CDC42BPA: variants seen among roughly 807,000 people sequenced by gnomAD.
CDC42BPA encodes the protein CDC42 binding protein kinase alpha.
Under a neutral mutation model 223.5 loss-of-function variants are expected in CDC42BPA, and 80 were observed. That is an observed-to-expected ratio of 0.36 (90% confidence interval 0.30 to 0.43). CDC42BPA has a LOEUF of 0.43. Ranked by LOEUF, CDC42BPA falls within the 20% of genes least tolerant of loss-of-function variation. The pLI is 1.00. For synonymous variants in CDC42BPA, 694 were observed against 718.6 expected (o/e 0.97, Z 0.55); for missense variants, 1,743 against 2,099.9 (o/e 0.83, Z 3.32).
At chr1:227,109,522 C>T (rs537706257) in intron 14 of CDC42BPA, among the ~76,000 whole-genome samples, 8 of 151,878 alleles carry the variant, frequency 5.3e-5, no homozygotes, top group Non-Finnish European at 7.4e-5. Context: ...TGCGCCACCA[C>T]GTTCAGCTAA....
At chr1:227,034,534 A>G in intron 26 of CDC42BPA, 121 bp downstream of exon 26, 1 of 917,336 alleles carries the variant, frequency 1.1e-6, no homozygotes, top group Non-Finnish European at 1.6e-6. Context: ...CAATATTAGC[A>G]AATTAGAAAA....
chr1:227,044,399 G>C (rs1284128921), intron 23 of CDC42BPA, among the ~76,000 whole-genome samples: 3 of 149,718 alleles, frequency 2.0e-5, no homozygotes. Context: ...TTTATTCCCA[G>C]TCACAAAAAA....
At chr1:227,047,860 C>T in intron 23 of CDC42BPA, 67 bp downstream of exon 23, 1 of 806,070 alleles carries the variant, frequency 1.2e-6, no homozygotes, top group Non-Finnish European at 2.0e-6. Flanking sequence ...AAAATCACAG[C>T]AAATGCATAG....
At chr1:227,200,393 T>C (rs1254928255) in intron 3 of CDC42BPA, among the ~76,000 whole-genome samples, 1 of 146,304 alleles carries the variant, frequency 6.8e-6, no homozygotes, top group Non-Finnish European at 1.5e-5. Context: ...ATCGCACCAC[T>C]GCACTCCAAC....
At chr1:227,014,596 C>A (rs893256959) in intron 34 of CDC42BPA, among the ~76,000 whole-genome samples, 1 of 151,962 alleles carries the variant, frequency 6.6e-6, no homozygotes, top group African/African-American at 2.4e-5. Flanking sequence ...AGAAACTTGA[C>A]TGCACACCGA....
At chr1:227,142,231 C>T (rs896158809) in intron 9 of CDC42BPA, among the ~76,000 whole-genome samples, 1 of 152,070 alleles carries the variant, frequency 6.6e-6, no homozygotes, top group Non-Finnish European at 1.5e-5. Context: ...AAATGGCATA[C>T]AAGGAGTGAT....
intron 30 of CDC42BPA, among the ~76,000 whole-genome samples, chr1:227,027,859 A>G (rs915061219): frequency 6.6e-6 from 1 of 152,188 alleles, no homozygotes; most frequent in Non-Finnish European, 1.5e-5. Flanking sequence ...AGTCAAGCCT[A>G]TAATCTCAGT....
chr1:227,040,279 G>T (rs1211530848), intron 23 of CDC42BPA, 43 bp from the exon 24 acceptor site: 1 of 1,277,580 alleles, frequency 7.8e-7, no homozygotes, highest in Non-Finnish European at 1.1e-6. Flanking sequence ...TTGTTTAAAA[G>T]ATTTCCATAA....
Position 227,317,398 on chromosome 1 carries a change from G to C in CDC42BPA, c.-216C>G. On this transcript the variant is annotated 5_prime_UTR_variant, in exon 1 of 37. The change creates a premature stop within an existing upstream ORF in the 5' untranslated region. Coordinates refer to ENST00000366766, the MANE Select transcript of CDC42BPA (RefSeq NM_001394014.1). ...TCACCCATATACATATATTTTGAGG[G>C]TAAATTACCATAAAATATATACTTA... is the stretch of plus-strand genomic sequence containing the variant. 1 of 442,678 alleles carries C rather than the reference G, an allele frequency of 2.3e-6. No individual in the cohort carries two copies. Among genetic ancestry groups the C allele is most frequent in the Admixed American group, 4.1e-5 (1 of 24,522 alleles). 27.4% of individuals were successfully genotyped at this position (442,678 alleles called of 1,614,324 possible). A position where few individuals can be genotyped will look rare whatever the true frequency, so the allele number is the denominator to read the frequency against.
chr1:226,992,851 T>C lies in CDC42BPA; in HGVS notation c.*1417A>G, dbSNP rs371470644. 8 of 152,210 alleles carry C rather than the reference T, an allele frequency of 5.3e-5. No homozygotes were observed. In the East Asian group the frequency reaches 1.2e-3, roughly 22 times the overall value. The allele number at this position is 152,210 out of a possible 1,614,324, so 9.4% of individuals were successfully genotyped here. On this transcript the variant is annotated 3_prime_UTR_variant, in exon 37 of 37. Coordinates refer to ENST00000366766, the MANE Select transcript of CDC42BPA (RefSeq NM_001394014.1). ...CTTATGGCAACTACAACAGGAGGAA[T>C]CCAGCTGGAAATGCCACTAACCCCA...
At chr1:227,033,593 A>G (rs1038259467) in intron 26 of CDC42BPA, among the ~76,000 whole-genome samples, 178 bp from the exon 27 acceptor site, 7 of 152,178 alleles carry the variant, frequency 4.6e-5, no homozygotes, top group African/African-American at 1.7e-4. Context: ...ATTTATCAAG[A>G]ATAACTTCCT....
intron 5 of CDC42BPA, among the ~76,000 whole-genome samples, chr1:227,188,571 T>C (rs2150108975): frequency 6.6e-6 from 1 of 152,266 alleles, no homozygotes; most frequent in South Asian, 2.1e-4. Context: ...AAACCTTAAA[T>C]ATTGCTAAGC....
At chr1:227,200,704 T>C (rs765418570) in intron 3 of CDC42BPA, among the ~76,000 whole-genome samples, 45 of 152,242 alleles carry the variant, frequency 3.0e-4, no homozygotes, top group Middle Eastern at 3.4e-3. Flanking sequence ...GTGCAAGAGT[T>C]TCTCCACTGT....
intron 34 of CDC42BPA, among the ~76,000 whole-genome samples, chr1:227,013,826 T>G (rs1665688324): frequency 6.6e-6 from 1 of 152,122 alleles, no homozygotes; most frequent in African/African-American, 2.4e-5. Flanking sequence ...CTTACATATT[T>G]GAAATTTGTA....
intron 2 of CDC42BPA, among the ~76,000 whole-genome samples, chr1:227,224,664 T>C (rs2813968): frequency 0.31 from 47,528 of 152,080 alleles, 7,636 homozygotes; most frequent in East Asian, 0.37. Context: ...TCCTAATATG[T>C]TATAGAAAAT....
At chr1:227,104,472 C>T (rs1309353400) in intron 14 of CDC42BPA, among the ~76,000 whole-genome samples, 2 of 152,096 alleles carry the variant, frequency 1.3e-5, no homozygotes, top group African/African-American at 2.4e-5. Flanking sequence ...GAAAATTCTT[C>T]TTGAACTACT....
chr1:227,129,725 C>G (rs1656673799), intron 10 of CDC42BPA, among the ~76,000 whole-genome samples: 1 of 103,004 alleles, frequency 9.7e-6, no homozygotes, highest in Non-Finnish European at 2.0e-5. Flanking sequence ...ACAAAAGAAT[C>G]CACCTTCTAA....
intron 20 of CDC42BPA, among the ~76,000 whole-genome samples, chr1:227,071,721 C>CG (rs1341970025): frequency 8.5e-6 from 1 of 118,038 alleles, no homozygotes; most frequent in African/African-American, 3.2e-5. Flanking sequence ...CCCACCCCCC[C>CG]CCCCCCAATT....
intron 21 of CDC42BPA, among the ~76,000 whole-genome samples, chr1:227,052,541 A>G (rs1430872108): frequency 1.3e-5 from 2 of 152,194 alleles, no homozygotes; most frequent in Non-Finnish European, 2.9e-5. Flanking sequence ...AAGTATTTTT[A>G]GAAATTAAAA....
Sources: gnomAD v4.1 joint callset for allele counts (sites outside exome capture counted in the v4.1 genomes callset) on GRCh38, gnomAD v4.1.1 for gene constraint, MANE v1.5 for transcripts, NCBI Gene and HGNC (gene_info 2026-07-23, HGNC 2026-07-21) for gene names.